The following SLC16A7 variants were observed in gnomAD, a reference collection of about 807,000 sequenced individuals.
The protein encoded by SLC16A7 is monocarboxylate transporter 2.
A neutral mutation model predicts 34.9 loss-of-function variants in SLC16A7; 33 were observed. That is an observed-to-expected ratio of 0.94 (90% CI 0.72 to 1.26). The LOEUF is 1.26. Ranked by LOEUF, SLC16A7 falls within the 50% of genes most tolerant of loss-of-function variation. The pLI is 0.00. For synonymous variants in SLC16A7, 201 were observed against 206.6 expected (o/e 0.97, Z 0.23); for missense variants, 573 against 578.1 (o/e 0.99, Z 0.09).
At chr12:59,636,940 T>G (rs1880455265) in intron 1 of SLC16A7, among the ~76,000 whole-genome samples, 1 of 152,130 alleles carries the variant, frequency 6.6e-6, no homozygotes, top group African/African-American at 2.4e-5. Context: ...TGTTTTTATT[T>G]CCATTATGGG....
chr12:59,715,329 G>A (rs11173120), intron 3 of SLC16A7, among the ~76,000 whole-genome samples: 12,517 of 152,128 alleles, frequency 0.082, 692 homozygotes, highest in East Asian at 0.18. Context: ...ATATTTCACT[G>A]ACTGACATTG....
chr12:59,708,762 A>G (rs1873878919), intron 3 of SLC16A7, among the ~76,000 whole-genome samples: 1 of 151,602 alleles, frequency 6.6e-6, no homozygotes, highest in Non-Finnish European at 1.5e-5. Context: ...ATTAGTTGGT[A>G]TCTGGGCTTT....
At chr12:59,754,483 A>G (rs1481406550) in intron 3 of SLC16A7, among the ~76,000 whole-genome samples, 8 of 152,008 alleles carry the variant, frequency 5.3e-5, no homozygotes, top group Admixed American at 4.6e-4. Context: ...AAACACCTCT[A>G]CGCAAATAAA....
chr12:59,605,126 C>T (rs951851771), intron 1 of SLC16A7, among the ~76,000 whole-genome samples: 1 of 152,202 alleles, frequency 6.6e-6, no homozygotes, highest in African/African-American at 2.4e-5. Flanking sequence ...GCTGGGATTA[C>T]AGGCAAAGTC....
intron 1 of SLC16A7, among the ~76,000 whole-genome samples, chr12:59,643,211 A>G (rs549704388): frequency 9.2e-4 from 140 of 152,278 alleles, no homozygotes; most frequent in African/African-American, 3.3e-3. Context: ...ACAGAGGGTA[A>G]GAAAGCTCAA....
At chr12:59,637,365 C>A (rs1366317337) in intron 1 of SLC16A7, among the ~76,000 whole-genome samples, 2 of 151,780 alleles carry the variant, frequency 1.3e-5, no homozygotes, top group Non-Finnish European at 2.9e-5. Flanking sequence ...TATTTTAAAT[C>A]TAATAATCTG....
intron 3 of SLC16A7, among the ~76,000 whole-genome samples, chr12:59,753,466 A>G (rs956369185): frequency 8.5e-5 from 13 of 152,206 alleles, no homozygotes; most frequent in Non-Finnish European, 7.3e-5. Flanking sequence ...CTAGACTCTG[A>G]TAAAACAGAC....
At chr12:59,700,295 A>C (rs1022329548) in intron 2 of SLC16A7, among the ~76,000 whole-genome samples, 1 of 151,686 alleles carries the variant, frequency 6.6e-6, no homozygotes, top group African/African-American at 2.4e-5. Flanking sequence ...GACTTTACAG[A>C]ACACAGCTTC....
intron 4 of SLC16A7, among the ~76,000 whole-genome samples, chr12:59,773,077 G>C (rs1362781992): frequency 6.6e-6 from 1 of 151,208 alleles, no homozygotes; most frequent in Non-Finnish European, 1.5e-5. Flanking sequence ...CCAGGCGACA[G>C]AATGGGGAAA....
chr12:59,660,396 T>C (rs1868780676), intron 2 of SLC16A7, among the ~76,000 whole-genome samples: 1 of 152,116 alleles, frequency 6.6e-6, no homozygotes, highest in Admixed American at 6.6e-5. Flanking sequence ...GGCGTGGTTA[T>C]GGCTTCTATA....
At position 59,763,277 on chromosome 12, in the gene SLC16A7, G is replaced by A. The variant is rs149715315; in HGVS notation, c.218-7942G>A. Among the ~76,000 whole-genome samples, 87 of 152,102 alleles carry A rather than the reference G, an allele frequency of 5.7e-4. No homozygotes were observed. In the East Asian group the frequency reaches 7.7e-3, roughly 14 times the overall value. On this transcript the variant is annotated intron_variant, in intron 3 of 5. Coordinates refer to ENST00000547379, the MANE Select transcript of SLC16A7 (RefSeq NM_001270623.2). ...TTTTCTTGGTTTTTAATTGAGGTAC[G>A]TGCTGAGTAACTTGTTCACATAATA...
At chr12:59,712,089 T>C (rs986786812) in intron 3 of SLC16A7, among the ~76,000 whole-genome samples, 4 of 152,248 alleles carry the variant, frequency 2.6e-5, no homozygotes, top group African/African-American at 7.2e-5. Flanking sequence ...TGTGTGTGTA[T>C]GTATAATGTA....
chr12:59,781,357 T>A lies in SLC16A7; in HGVS notation c.*1678T>A, dbSNP rs1015071573. On this transcript the variant is annotated 3_prime_UTR_variant, in exon 6 of 6. Transcript: ENST00000547379. ...TTAAGATGTCAAAGGGAATTAGCCA[T>A]TTTTTTTATTGTAATAAAGGCAGGT... 2.0e-5 allele frequency: 3 copies of A among 152,240 alleles called. No homozygotes were observed. The highest frequency in any genetic ancestry group is 7.2e-5 in the African/African-American group (3 of 41,388). 9.4% of individuals were successfully genotyped at this position (152,240 alleles called of 1,614,324 possible).
intron 3 of SLC16A7, among the ~76,000 whole-genome samples, chr12:59,765,960 C>T (rs894513247): frequency 6.6e-5 from 10 of 152,204 alleles, no homozygotes; most frequent in East Asian, 1.9e-4. Context: ...TCTTCCTACC[C>T]GTGAGCATGG....
At chr12:59,662,453 C>A (rs550599343) in intron 2 of SLC16A7, among the ~76,000 whole-genome samples, 39 of 152,006 alleles carry the variant, frequency 2.6e-4, no homozygotes, top group African/African-American at 8.9e-4. Flanking sequence ...TTTTGGAAAC[C>A]AGAAATTTAA....
At position 59,624,770 on chromosome 12, in the gene SLC16A7, GTGTCTA is replaced by G. The variant is rs1025950307; in HGVS notation, c.-130+28536_-130+28541del. ...TGTGTGTGTGTGTGTGTGTGTGTGTGTGTCTATCTATATGTGTGTGTACTACTGCAA... is the reference window on the plus strand; with the variant it reads ...TGTGTGTGTGTGTGTGTGTGTGTGTGTCTATATGTGTGTGTACTACTGCAA... On this transcript the variant is annotated intron_variant, in intron 1 of 5. Transcript: ENST00000547379. Among the ~76,000 whole-genome samples the G allele has an allele frequency of 6.0e-5, 9 of 149,912 alleles. No individual in the cohort carries two copies. The South Asian group carries it at 8.6e-4, about 14-fold the overall frequency.
chr12:59,689,214 C>T (rs1871375567), intron 2 of SLC16A7: 1 of 151,974 alleles, frequency 6.6e-6, no homozygotes, highest in Non-Finnish European at 1.5e-5. Flanking sequence ...AACCGCTTCT[C>T]AGAGTTGGCA....
intron 2 of SLC16A7, among the ~76,000 whole-genome samples, chr12:59,669,976 A>T (rs1869539421): frequency 6.6e-6 from 1 of 152,176 alleles, no homozygotes; most frequent in East Asian, 1.9e-4. Flanking sequence ...GGGCTGCCAT[A>T]ACAAAGTACC....
chr12:59,665,751 A>G (rs1311152465), intron 2 of SLC16A7, among the ~76,000 whole-genome samples: 1 of 150,752 alleles, frequency 6.6e-6, no homozygotes, highest in Non-Finnish European at 1.5e-5. Context: ...ATATATATAT[A>G]CACACACACA....
Sources: allele counts gnomAD v4.1 joint callset (sites outside exome capture counted in the v4.1 genomes callset), GRCh38; gene constraint gnomAD v4.1.1; transcripts MANE v1.5; gene names NCBI Gene and HGNC (gene_info 2026-07-23, HGNC 2026-07-21).